The following CDH8 variants were observed in gnomAD, a reference collection of about 807,000 sequenced individuals.
CDH8 encodes the protein cadherin 8.
Under a neutral mutation model 68.1 loss-of-function variants are expected in CDH8, and 17 were observed. The ratio of observed to expected loss-of-function variants is 0.25; its 90% CI spans 0.17 to 0.37. The LOEUF (loss-of-function observed/expected upper bound fraction) is 0.37, where lower values mean the gene tolerates loss of function less well. Among genes scored for constraint, CDH8 ranks in the 10% least tolerant of loss-of-function variants. The pLI, the probability that CDH8 is intolerant of heterozygous loss-of-function variation, is 1.00. For missense variants in CDH8, 763 were observed against 999.3 expected, an observed-to-expected ratio of 0.76 and a Z score of 3.19; for synonymous variants, 372 against 365.1, an observed-to-expected ratio of 1.02 and a Z score of -0.21.
rs1187261434 is a variant in CDH8 at position 61,901,321 on chromosome 16, T to C, written c.405A>G (p.Thr135=). The change falls in exon 3 of 12, where the codon ACA becomes ACG. Residue 135 remains threonine (T), a synonymous_variant. Coordinates refer to ENST00000577390, the MANE Select transcript of CDH8 (RefSeq NM_001796.5). ...DREEKAEYTL[T]AQAVDWETSK... ...TTGTCTCCCAGTCCACTGCTTGAGC[T>C]GTTAGGGTATACTCAGCCTTTTCCT... The C allele has an allele frequency of 1.2e-6, 2 of 1,613,916 alleles. No homozygotes were observed. Among genetic ancestry groups the C allele is most frequent in the East Asian group, 4.5e-5 (2 of 44,848 alleles).
chr16:61,915,748 A>AC (rs1242911647), intron 2 of CDH8, among the ~76,000 whole-genome samples: 1 of 152,208 alleles, frequency 6.6e-6, no homozygotes, highest in East Asian at 1.9e-4. Flanking sequence ...AATTAACAGC[A>AC]CAGGGTCTGA....
At chr16:61,708,558 ACCT>A (rs1964572871) in intron 10 of CDH8, among the ~76,000 whole-genome samples, 1 of 152,070 alleles carries the variant, frequency 6.6e-6, no homozygotes, top group Non-Finnish European at 1.5e-5. Context: ...AGCAAAGAAA[ACCT>A]CCTTGTCTTG....
chr16:61,994,959 A>G (rs1433150574), intron 2 of CDH8, among the ~76,000 whole-genome samples: 1 of 152,216 alleles, frequency 6.6e-6, no homozygotes, highest in Non-Finnish European at 1.5e-5. Flanking sequence ...GTGTCCCACA[A>G]TACTTAGTTT....
chr16:61,971,806 T>A (rs1965344915), intron 2 of CDH8, among the ~76,000 whole-genome samples: 1 of 152,138 alleles, frequency 6.6e-6, no homozygotes. Flanking sequence ...CAAAAAGACG[T>A]CACTTTGGAG....
chr16:61,728,371 T>C (rs16963882), intron 8 of CDH8, among the ~76,000 whole-genome samples: 17,028 of 150,944 alleles, frequency 0.11, 1,088 homozygotes, highest in South Asian at 0.16. Context: ...TTGAATTTAG[T>C]TGAGTGCCAT....
intron 7 of CDH8, among the ~76,000 whole-genome samples, chr16:61,808,752 T>C (rs1961866236): frequency 6.6e-6 from 1 of 152,210 alleles, no homozygotes; most frequent in Non-Finnish European, 1.5e-5. Context: ...AAATTCAAAC[T>C]TCCAACAGTC....
chr16:61,871,315 G>A (rs1481245533), intron 3 of CDH8, among the ~76,000 whole-genome samples: 1 of 151,416 alleles, frequency 6.6e-6, no homozygotes, highest in African/African-American at 2.4e-5. Context: ...CAAGTAGCTA[G>A]GATTACAGGT....
chr16:61,962,750 A>G (rs1965180027), intron 2 of CDH8, among the ~76,000 whole-genome samples: 1 of 152,230 alleles, frequency 6.6e-6, no homozygotes, highest in Non-Finnish European at 1.5e-5. Context: ...GCCTTTCTTC[A>G]CATCCAACCT....
At chr16:62,034,241 CA>C (rs1182369700) in intron 1 of CDH8, among the ~76,000 whole-genome samples, 2 of 151,788 alleles carry the variant, frequency 1.3e-5, no homozygotes, top group East Asian at 3.9e-4. Context: ...ATCCCTGCAA[CA>C]CTGGACACAG....
intron 8 of CDH8, among the ~76,000 whole-genome samples, chr16:61,751,183 T>C (rs1960148789): frequency 6.6e-6 from 1 of 151,700 alleles, no homozygotes; most frequent in Non-Finnish European, 1.5e-5. Context: ...ACCGATGCAA[T>C]ACAGCACAAA....
intron 8 of CDH8, among the ~76,000 whole-genome samples, chr16:61,767,240 C>T (rs1444288836): frequency 6.6e-6 from 1 of 151,884 alleles, no homozygotes; most frequent in East Asian, 1.9e-4. Context: ...TGATTGTTAG[C>T]ATTGTCACAG....
intron 8 of CDH8, among the ~76,000 whole-genome samples, chr16:61,757,775 G>C (rs917624669): frequency 1.3e-5 from 2 of 152,142 alleles, no homozygotes; most frequent in African/African-American, 2.4e-5. Context: ...TGTTGGAACT[G>C]GGTAGTCAGT....
At chr16:62,005,754 A>C (rs966826517) in intron 2 of CDH8, among the ~76,000 whole-genome samples, 3 of 151,772 alleles carry the variant, frequency 2.0e-5, no homozygotes, top group Non-Finnish European at 4.4e-5. Context: ...AAAAAAAAAA[A>C]AAACATTGCC....
At chr16:61,869,284 G>A (rs1430250420) in intron 3 of CDH8, among the ~76,000 whole-genome samples, 2 of 152,214 alleles carry the variant, frequency 1.3e-5, no homozygotes, top group South Asian at 4.2e-4. Context: ...CTACCAGGGA[G>A]AGGCACAGAA....
chr16:61,864,026 T>C (rs186681625), intron 3 of CDH8, among the ~76,000 whole-genome samples: 45 of 152,280 alleles, frequency 3.0e-4, no homozygotes, highest in Non-Finnish European at 6.0e-4. Flanking sequence ...AAATAGGTGT[T>C]GGGAGCACAG....
Position 61,871,246 on chromosome 16 carries a change from T to C in CDH8, c.548-14008A>G, listed in dbSNP as rs1254272382. Among the ~76,000 whole-genome samples the C allele has an allele frequency of 1.3e-5, 2 of 151,830 alleles. 1 individual carries two copies. The highest frequency in any genetic ancestry group is 2.9e-5 in the Non-Finnish European group (2 of 67,980). ...ATCCAAACTGAGTGCCGTGGTACCA[T>C]AACAACTCACTGCAGCCTCGACCTC... On this transcript the variant is annotated intron_variant, in intron 3 of 11. Coordinates refer to ENST00000577390, the MANE Select transcript of CDH8 (RefSeq NM_001796.5).
chr16:61,782,420 C>T (rs1421097423), intron 8 of CDH8, among the ~76,000 whole-genome samples: 3 of 152,116 alleles, frequency 2.0e-5, no homozygotes, highest in Non-Finnish European at 4.4e-5. Context: ...ATATCCCACA[C>T]CTGGCTCGGA....
At chr16:61,727,251 T>C (rs1330121586) in intron 8 of CDH8, 36 bp from the exon 9 acceptor site, 1 of 1,555,356 alleles carries the variant, frequency 6.4e-7, no homozygotes, top group Non-Finnish European at 8.7e-7. Context: ...GCATTGAGGG[T>C]ATTTCATTTT....
At chr16:61,879,620 G>T (rs1417597289) in intron 3 of CDH8, among the ~76,000 whole-genome samples, 2 of 152,128 alleles carry the variant, frequency 1.3e-5, no homozygotes, top group Admixed American at 1.3e-4. Flanking sequence ...CAGCCCACCT[G>T]ACCTTTCGGC....
Sources: gnomAD v4.1 joint callset for allele counts (sites outside exome capture counted in the v4.1 genomes callset) on GRCh38, gnomAD v4.1.1 for gene constraint, MANE v1.5 for transcripts, NCBI Gene and HGNC (gene_info 2026-07-23, HGNC 2026-07-21) for gene names.